Variants in DNAH11 observed in about 807,000 individuals in gnomAD.
DNAH11 encodes the protein axonemal beta dynein heavy chain 11.
Under a neutral mutation model 526.0 loss-of-function variants are expected in DNAH11, and 442 were observed. The ratio of observed to expected loss-of-function variants is 0.84; its 90% CI spans 0.78 to 0.91. The LOEUF (loss-of-function observed/expected upper bound fraction) is 0.91, where lower values mean the gene tolerates loss of function less well. DNAH11 is among the 40% of genes least tolerant of loss of function. DNAH11 has a pLI of 0.00. For synonymous variants in DNAH11, 2,461 were observed against 1,935.9 expected, an observed-to-expected ratio of 1.27 and a Z score of -7.12; for missense variants, 6,989 against 5,448.7, an observed-to-expected ratio of 1.28 and a Z score of -8.90.
intron 54 of DNAH11, 141 bp downstream of exon 54, chr7:21,750,505 T>C (rs1583657597): frequency 8.8e-7 from 1 of 1,131,964 alleles, no homozygotes; most frequent in East Asian, 2.6e-5. Context: ...CGCCTGTATC[T>C]GGAGCGTACC....
intron 77 of DNAH11, 75 bp from the exon 78 acceptor site, chr7:21,894,548 A>C (rs1784439066): frequency 1.4e-6 from 2 of 1,443,182 alleles, no homozygotes; most frequent in African/African-American, 1.4e-5. Flanking sequence ...AACTTCAAAA[A>C]GTAGAGGATA....
At chr7:21,803,321 A>G (rs1208726597) in intron 62 of DNAH11, among the ~76,000 whole-genome samples, 5 of 151,978 alleles carry the variant, frequency 3.3e-5, no homozygotes. Context: ...GATCCTGGTG[A>G]TTAGTGATCA....
At chr7:21,677,402 G>T (rs1292938036) in intron 30 of DNAH11, among the ~76,000 whole-genome samples, 1 of 151,438 alleles carries the variant, frequency 6.6e-6, no homozygotes, top group African/African-American at 2.4e-5. Context: ...TATTTTTTGA[G>T]ACAGAATCTC....
At chr7:21,550,285 C>G (rs6975129) in intron 2 of DNAH11, among the ~76,000 whole-genome samples, 101,096 of 151,862 alleles carry the variant, frequency 0.67, 35,551 homozygotes, top group East Asian at 0.95. Flanking sequence ...CCAAGTCTGG[C>G]TCAGCACCAA....
chr7:21,897,249 A>G (rs1232881656), intron 79 of DNAH11, among the ~76,000 whole-genome samples: 4 of 151,984 alleles, frequency 2.6e-5, no homozygotes, highest in African/African-American at 9.7e-5. Flanking sequence ...AGACTTCTCT[A>G]TTTCCTGGGT....
chr7:21,810,316 C>T (rs1402177100), intron 63 of DNAH11, among the ~76,000 whole-genome samples: 1 of 152,148 alleles, frequency 6.6e-6, no homozygotes, highest in Non-Finnish European at 1.5e-5. Context: ...ATTTCCAGGA[C>T]TCTATTTTCT....
At chr7:21,663,422 G>C (rs191117447) in intron 30 of DNAH11, among the ~76,000 whole-genome samples, 1 of 152,186 alleles carries the variant, frequency 6.6e-6, no homozygotes, top group East Asian at 1.9e-4. Context: ...TAGGGGTTGT[G>C]CTAATTTATA....
intron 64 of DNAH11, among the ~76,000 whole-genome samples, chr7:21,817,713 TTTTG>T (rs1348452432): frequency 6.6e-6 from 1 of 151,874 alleles, no homozygotes; most frequent in Non-Finnish European, 1.5e-5. Flanking sequence ...TTGATGTAGT[TTTTG>T]TTTGTCTGAA....
In DNAH11 at chr7:21,584,403, G is replaced by A. The variant is rs866274718; in HGVS notation, c.1710+2382G>A. ...TGAGAACACATGGACACAGAGAGGG[G>A]AACATCACACACCAGGGGATGTCAG... On this transcript the variant is annotated intron_variant, in intron 9 of 81. Transcript: ENST00000409508. Among the ~76,000 whole-genome samples the A allele has an allele frequency of 7.9e-5, 12 of 152,164 alleles. 2 individuals carry two copies. In the Middle Eastern group the frequency reaches 0.01, roughly 129 times the overall value.
intron 70 of DNAH11, 130 bp from the exon 71 acceptor site, chr7:21,866,340 A>T (rs1040818338): frequency 1.2e-5 from 9 of 729,528 alleles, no homozygotes; most frequent in Non-Finnish European, 1.6e-5. Context: ...AAAAAAGGAA[A>T]TCTGAAGAGG....
At chr7:21,742,689 G>A (rs1785961013) in intron 49 of DNAH11, among the ~76,000 whole-genome samples, 2 of 152,060 alleles carry the variant, frequency 1.3e-5, no homozygotes, top group East Asian at 3.9e-4. Context: ...TTAAAACTAT[G>A]CTATATACTT....
Position 21,799,643 on chromosome 7 carries a change from A to G in DNAH11, c.10027-1494A>G, listed in dbSNP as rs145258603. ...GACCCACCGCACCCGGCCATATTTCAATCTTATTTCTAACTGGTGATGTAT... is the reference window on the plus strand; with the variant it reads ...GACCCACCGCACCCGGCCATATTTCGATCTTATTTCTAACTGGTGATGTAT... On this transcript the variant is annotated intron_variant, in intron 61 of 81. Transcript: ENST00000409508. Among the ~76,000 whole-genome samples, 324 of 152,200 alleles carry G rather than the reference A, an allele frequency of 2.1e-3. 1 individual carries two copies. Among genetic ancestry groups the G allele is most frequent in the African/African-American group, 7.4e-3 (307 of 41,554 alleles).
Position 21,873,356 on chromosome 7 carries a change from G to T in DNAH11, c.12050G>T (p.Arg4017Met). The change falls in exon 74 of 82, where the codon AGG (arginine) becomes ATG (methionine). Residue 4017 changes from arginine (R) to methionine (M), a missense_variant. Coordinates refer to ENST00000409508, the MANE Select transcript of DNAH11 (RefSeq NM_001277115.2). ...AGCCAAGGAAGCCACAGAGATTACA[G>T]GGTTTTCATGAGTGCTGAGTCTGCA... ...RFSQGSHRDY[R>M]VFMSAESAPT... The T allele has an allele frequency of 6.2e-7, 1 of 1,613,762 alleles. No individual in the cohort carries two copies. Among genetic ancestry groups the T allele is most frequent in the African/African-American group, 1.3e-5 (1 of 75,064 alleles).
chr7:21,756,365 T>C (rs766440831), intron 54 of DNAH11, among the ~76,000 whole-genome samples: 2 of 152,104 alleles, frequency 1.3e-5, no homozygotes, highest in Non-Finnish European at 2.9e-5. Flanking sequence ...CTGTCTGTTA[T>C]GTCCCATTAA....
rs943893808 is a variant in DNAH11 at position 21,864,806 on chromosome 7, A to G, written c.11496+149A>G. The G allele has an allele frequency of 3.9e-6, 3 of 766,370 alleles. No homozygotes were observed. The African/African-American group carries it at 5.4e-5, about 14-fold the overall frequency. The allele number at this position is 766,370 out of a possible 1,614,324, so 47.5% of individuals were successfully genotyped here. Reference sequence around the variant, plus strand: ...TGCACTGTATAATGTGATGTTATTAATCTTTGTATTATTCAATTGGTTAAT... The same window carrying G: ...TGCACTGTATAATGTGATGTTATTAGTCTTTGTATTATTCAATTGGTTAAT... On this transcript the variant is annotated intron_variant, in intron 70 of 81. Coordinates refer to ENST00000409508, the MANE Select transcript of DNAH11 (RefSeq NM_001277115.2).
intron 57 of DNAH11, among the ~76,000 whole-genome samples, chr7:21,783,350 G>T (rs1272615103): frequency 6.6e-6 from 1 of 152,198 alleles, no homozygotes; most frequent in Non-Finnish European, 1.5e-5. Context: ...CAGGAGAAGG[G>T]TAATTACTGC....
At chr7:21,761,726 A>G (rs10950872) in intron 54 of DNAH11, among the ~76,000 whole-genome samples, 45,522 of 152,096 alleles carry the variant, frequency 0.3, 7,440 homozygotes, top group East Asian at 0.46. Flanking sequence ...ACAATATGAA[A>G]TTTTACATAG....
intron 30 of DNAH11, among the ~76,000 whole-genome samples, chr7:21,672,710 A>G (rs1488910110): frequency 6.6e-6 from 1 of 152,198 alleles, no homozygotes; most frequent in Admixed American, 6.5e-5. Flanking sequence ...TTCTGCTGCA[A>G]GGAAGATTTT....
chr7:21,698,592 C>T (rs920034722), intron 36 of DNAH11, among the ~76,000 whole-genome samples: 2 of 152,134 alleles, frequency 1.3e-5, no homozygotes, highest in African/African-American at 4.8e-5. Context: ...TCCTGAGTTA[C>T]TTTACTAGAA....
Sources: allele counts gnomAD v4.1 joint callset (sites outside exome capture counted in the v4.1 genomes callset), GRCh38; gene constraint gnomAD v4.1.1; transcripts MANE v1.5; gene names NCBI Gene and HGNC (gene_info 2026-07-23, HGNC 2026-07-21).